Variants in SLC18A1 observed in about 807,000 individuals in gnomAD.
The protein encoded by SLC18A1 is chromaffin granule amine transporter.
In SLC18A1, 69 loss-of-function variants were observed where a neutral mutation model predicts 53.7. The ratio of observed to expected loss-of-function variants is 1.28; its 90% CI spans 1.06 to 1.57. The LOEUF (loss-of-function observed/expected upper bound fraction) is 1.57. Among genes scored for constraint, SLC18A1 ranks in the 40% most tolerant of loss-of-function variants. The pLI is 0.00. For missense variants in SLC18A1, 932 were observed against 668.1 expected (o/e 1.40, Z -4.35); for synonymous variants, 320 against 248.1 (o/e 1.29, Z -2.72).
intron 8 of SLC18A1, 52 bp downstream of exon 8, chr8:20,171,051 G>C: frequency 6.4e-7 from 1 of 1,572,892 alleles, no homozygotes; most frequent in Non-Finnish European, 8.7e-7. Context: ...CTGGGTTCCT[G>C]CATTCAGCCA....
intron 1 of SLC18A1, among the ~76,000 whole-genome samples, chr8:20,181,423 A>G (rs896538281): frequency 7.2e-5 from 11 of 152,026 alleles, no homozygotes; most frequent in Non-Finnish European, 1.6e-4. Context: ...CATTTACTTC[A>G]TCTTTTTCCT....
chr8:20,180,904 G>T lies in SLC18A1; in HGVS notation c.61C>A (p.Gln21Lys). The change falls in exon 2 of 16, where the codon CAG becomes AAG. Residue 21 changes from glutamine to lysine, a missense_variant. By Grantham distance (53) the Gln-to-Lys change is moderately conservative (BLOSUM62 1). Transcript: ENST00000276373. ...ACGAATACCACCACCAGCACCAGCT[G>T]CCGGGACGCTCTCCCCTCCTTCAGC... ...RLLKEGRASR[Q>K]LVLVVVFVAL... 10 of 1,612,606 alleles carry T rather than the reference G, an allele frequency of 6.2e-6. No individual in the cohort carries two copies. The highest frequency in any genetic ancestry group is 8.5e-6 in the Non-Finnish European group (10 of 1,179,246).
At chr8:20,173,255 A>G (rs2128878188) in intron 5 of SLC18A1, 127 bp from the exon 6 acceptor site, 1 of 683,942 alleles carries the variant, frequency 1.5e-6, no homozygotes, top group South Asian at 1.9e-5. Flanking sequence ...GAGGGGTTTT[A>G]CAAAACTTAA....
At chr8:20,149,393 A>G (rs2071486876) in intron 12 of SLC18A1, among the ~76,000 whole-genome samples, 1 of 152,020 alleles carries the variant, frequency 6.6e-6, no homozygotes, top group South Asian at 2.1e-4. Context: ...CTCCGGCTCC[A>G]GCTGCCCTAC....
At chr8:20,179,505 G>T in intron 2 of SLC18A1, 21 bp from the exon 3 acceptor site, 5 of 1,593,912 alleles carry the variant, frequency 3.1e-6, no homozygotes, top group Non-Finnish European at 4.3e-6. Flanking sequence ...AAGAGGACAG[G>T]TGATGGGGGC....
chr8:20,160,219 T>C (rs920327218), intron 10 of SLC18A1, among the ~76,000 whole-genome samples: 3 of 149,780 alleles, frequency 2.0e-5, no homozygotes, highest in Non-Finnish European at 3.0e-5. Context: ...TTATATTTAA[T>C]TGCTTAAAAA....
chr8:20,149,608 C>T, intron 12 of SLC18A1, 68 bp downstream of exon 12: 1 of 1,253,590 alleles, frequency 8.0e-7, no homozygotes, highest in Non-Finnish European at 1.1e-6. Context: ...CTCTCTCTCT[C>T]TCTCTCTCTG....
At chr8:20,172,041 G>A (rs1249090898) in intron 6 of SLC18A1, among the ~76,000 whole-genome samples, 2 of 152,204 alleles carry the variant, frequency 1.3e-5, no homozygotes, top group Non-Finnish European at 2.9e-5. Context: ...TTGGCCTTGC[G>A]GCCTATGGAG....
At chr8:20,164,836 C>T in intron 10 of SLC18A1, 33 bp downstream of exon 10, 1 of 1,541,650 alleles carries the variant, frequency 6.5e-7, no homozygotes, top group Non-Finnish European at 8.9e-7. Flanking sequence ...CTCCTCCTGC[C>T]AGGCCCTGAG....
intron 10 of SLC18A1, among the ~76,000 whole-genome samples, chr8:20,152,104 A>G (rs2071572170): frequency 6.6e-6 from 1 of 152,216 alleles, no homozygotes; most frequent in African/African-American, 2.4e-5. Context: ...AGACCTTAAT[A>G]ACCAAAAGAG....
chr8:20,146,772 C>T (rs963275925), intron 15 of SLC18A1, among the ~76,000 whole-genome samples: 6 of 148,292 alleles, frequency 4.0e-5, no homozygotes, highest in South Asian at 2.2e-4. Flanking sequence ...TGTGGTGAGC[C>T]GAGATCACAC....
At chr8:20,152,207 G>T (rs17092115) in intron 10 of SLC18A1, among the ~76,000 whole-genome samples, 1 of 152,174 alleles carries the variant, frequency 6.6e-6, no homozygotes, top group Non-Finnish European at 1.5e-5. Context: ...AAGGATATCT[G>T]TGTGCCTGAA....
intron 6 of SLC18A1, 41 bp downstream of exon 6, chr8:20,172,995 C>T (rs1255377118): frequency 2.2e-6 from 3 of 1,379,606 alleles, no homozygotes; most frequent in African/African-American, 2.9e-5. Flanking sequence ...TTCCTAGAGT[C>T]CCACCCTCCC....
intron 8 of SLC18A1, among the ~76,000 whole-genome samples, chr8:20,166,793 T>C (rs1160671086): frequency 6.6e-6 from 1 of 152,070 alleles, no homozygotes; most frequent in African/African-American, 2.4e-5. Flanking sequence ...GGGAGGTAAT[T>C]AAGGTTAAAT....
At chr8:20,176,774 A>G (rs866237194) in intron 4 of SLC18A1, among the ~76,000 whole-genome samples, 1 of 152,244 alleles carries the variant, frequency 6.6e-6, no homozygotes, top group Non-Finnish European at 1.5e-5. Flanking sequence ...TAATTATTTA[A>G]CATATATAGT....
In SLC18A1 at chr8:20,179,141, G is replaced by C; in HGVS notation, c.468C>G (p.Phe156Leu). The C allele has an allele frequency of 6.2e-7, 1 of 1,612,780 alleles. No homozygotes were observed. Reference protein sequence around the residue: ...KAVMQLLVNPFVGPLTNRIGY... With the variant: ...KAVMQLLVNPLVGPLTNRIGY... ...GATACCTGTTGGTGAGAGGGCCCAC[G>C]AATGGGTTGACCAGAAGTTGCATCA... is the stretch of plus-strand genomic sequence containing the variant. The change falls in exon 3 of 16, where the codon TTC becomes TTG. Residue 156 changes from phenylalanine to leucine, a missense_variant. Phe to Leu is a conservative substitution (Grantham distance 22, BLOSUM62 0). Transcript: ENST00000276373.
At chr8:20,165,926 T>C (rs537440070) in intron 8 of SLC18A1, among the ~76,000 whole-genome samples, 1 of 152,182 alleles carries the variant, frequency 6.6e-6, no homozygotes, top group African/African-American at 2.4e-5. Flanking sequence ...TATCTTGTAA[T>C]AGATTGGATC....
In SLC18A1 at chr8:20,144,876, T is replaced by C. The variant is rs1420756685; in HGVS notation, c.*887A>G. On this transcript the variant is annotated 3_prime_UTR_variant, in exon 16 of 16. Transcript: ENST00000276373. ...GGTCTGAATTAGGCAATAATGTATT[T>C]ATTAGCAAGTATGAACAATGTCACA... 1 of 152,232 alleles carries C rather than the reference T, an allele frequency of 6.6e-6. No individual in the cohort carries two copies. Among genetic ancestry groups the C allele is most frequent in the Non-Finnish European group, 1.5e-5 (1 of 68,044 alleles). 9.4% of individuals were successfully genotyped at this position (152,232 alleles called of 1,614,324 possible).
chr8:20,153,087 A>G (rs540351891), intron 10 of SLC18A1, among the ~76,000 whole-genome samples: 86 of 152,314 alleles, frequency 5.6e-4, no homozygotes, highest in African/African-American at 2.0e-3. Flanking sequence ...ATGAAGAAAT[A>G]TAAAATAGTC....
Sources: gnomAD v4.1 joint callset for allele counts (sites outside exome capture counted in the v4.1 genomes callset) on GRCh38, gnomAD v4.1.1 for gene constraint, MANE v1.5 for transcripts, NCBI Gene and HGNC (gene_info 2026-07-23, HGNC 2026-07-21) for gene names.